The following LRMDA variants were observed in gnomAD, a reference collection of about 807,000 sequenced individuals.
LRMDA encodes the protein leucine-rich melanocyte differentiation-associated protein.
LRMDA carries 18 observed loss-of-function variants against 29.8 expected under a neutral mutation model. That is an observed-to-expected ratio of 0.60 (90% CI 0.42 to 0.90). The LOEUF (loss-of-function observed/expected upper bound fraction) is 0.90, where lower values mean the gene tolerates loss of function less well. Ranked by LOEUF, LRMDA falls within the 40% of genes least tolerant of loss-of-function variation. LRMDA has a pLI of 0.00. For synonymous variants in LRMDA, 125 were observed against 109.4 expected, an observed-to-expected ratio of 1.14 and a Z score of -0.89; for missense variants, 273 against 273.9, an observed-to-expected ratio of 1.00 and a Z score of 0.02.
At chr10:75,917,173 T>C (rs1024985548) in intron 2 of LRMDA, among the ~76,000 whole-genome samples, 2 of 152,204 alleles carry the variant, frequency 1.3e-5, no homozygotes, top group Non-Finnish European at 2.9e-5. Context: ...TGGGCAAGTC[T>C]CTTTCAGGTA....
intron 6 of LRMDA, among the ~76,000 whole-genome samples, chr10:76,476,471 A>G (rs1043904531): frequency 7.9e-5 from 12 of 152,192 alleles, no homozygotes; most frequent in African/African-American, 2.7e-4. Context: ...TACCAGAGTT[A>G]CAAGGAGGAG....
At chr10:76,443,317 A>C (rs1842322666) in intron 6 of LRMDA, among the ~76,000 whole-genome samples, 1 of 152,234 alleles carries the variant, frequency 6.6e-6, no homozygotes, top group Admixed American at 6.5e-5. Context: ...GTTGGGTAAT[A>C]GCCATCCTTC....
intron 5 of LRMDA, among the ~76,000 whole-genome samples, chr10:76,174,981 C>T (rs1850906574): frequency 6.6e-6 from 1 of 152,100 alleles, no homozygotes; most frequent in African/African-American, 2.4e-5. Flanking sequence ...ATTAGCTGGG[C>T]ATAGTGGCGT....
chr10:75,616,240 TAGCAGCAGTAGCAGCAGC>T (rs1472579096), intron 2 of LRMDA, among the ~76,000 whole-genome samples: 11 of 146,798 alleles, frequency 7.5e-5, no homozygotes, highest in African/African-American at 2.7e-4. Context: ...ATAGTAGCAG[TAGCAGCAGTAGCAGCAGC>T]AGCAGCAGCA....
At chr10:75,754,122 A>C (rs1011425241) in intron 2 of LRMDA, among the ~76,000 whole-genome samples, 1 of 152,196 alleles carries the variant, frequency 6.6e-6, no homozygotes, top group African/African-American at 2.4e-5. Context: ...CCAGGGAAGA[A>C]AAATCCTTCC....
chr10:75,448,830 G>A (rs2132029478), intron 2 of LRMDA, among the ~76,000 whole-genome samples: 1 of 152,240 alleles, frequency 6.6e-6, no homozygotes, highest in East Asian at 1.9e-4. Context: ...AGGAGTCCAG[G>A]GACAGAGAGT....
chr10:76,399,145 T>C (rs11001769), intron 6 of LRMDA, among the ~76,000 whole-genome samples: 20,166 of 152,132 alleles, frequency 0.13, 2,584 homozygotes, highest in African/African-American at 0.33. Context: ...ATAAAGGTGA[T>C]CCCAAGGTTT....
intron 2 of LRMDA, among the ~76,000 whole-genome samples, chr10:75,670,689 C>A (rs1272134647): frequency 6.6e-6 from 1 of 152,146 alleles, no homozygotes; most frequent in Non-Finnish European, 1.5e-5. Context: ...TCCCGTTTGT[C>A]TTAGCCTGGG....
At chr10:75,515,187 A>T (rs75199852) in intron 2 of LRMDA, among the ~76,000 whole-genome samples, 5,927 of 152,238 alleles carry the variant, frequency 0.039, 364 homozygotes, top group African/African-American at 0.13. Flanking sequence ...TCATAGAGAC[A>T]GAAGTAGATT....
chr10:76,425,380 A>C (rs1842113372), intron 6 of LRMDA, among the ~76,000 whole-genome samples: 1 of 151,632 alleles, frequency 6.6e-6, no homozygotes, highest in Admixed American at 6.6e-5. Flanking sequence ...AACCATTGTC[A>C]TGAGACAGAC....
intron 2 of LRMDA, among the ~76,000 whole-genome samples, chr10:75,891,966 G>A (rs1845499692): frequency 6.6e-6 from 1 of 152,168 alleles, no homozygotes; most frequent in Non-Finnish European, 1.5e-5. Flanking sequence ...CAGGACTGGA[G>A]CTAGAAACTT....
intron 2 of LRMDA, among the ~76,000 whole-genome samples, chr10:75,621,004 C>T (rs191961263): frequency 5.3e-5 from 8 of 152,218 alleles, no homozygotes; most frequent in Middle Eastern, 3.4e-3. Context: ...CCATTTCCCC[C>T]GTGTCCCCAA....
chr10:75,993,394 T>A (rs997437697), intron 2 of LRMDA, among the ~76,000 whole-genome samples: 8 of 152,190 alleles, frequency 5.3e-5, no homozygotes, highest in African/African-American at 1.9e-4. Context: ...ACATAATTCT[T>A]CAATAGACTT....
At chr10:76,236,242 G>A (rs566334440) in intron 5 of LRMDA, among the ~76,000 whole-genome samples, 2 of 152,300 alleles carry the variant, frequency 1.3e-5, no homozygotes, top group South Asian at 4.1e-4. Flanking sequence ...CATTAATTAA[G>A]CAGGCTGCAC....
intron 5 of LRMDA, among the ~76,000 whole-genome samples, chr10:76,156,795 G>A (rs1850545465): frequency 1.3e-5 from 2 of 152,156 alleles, no homozygotes. Context: ...TTGGAATGAT[G>A]GGACATTTAT....
intron 2 of LRMDA, among the ~76,000 whole-genome samples, chr10:75,957,541 G>A (rs1267112507): frequency 1.3e-5 from 2 of 152,202 alleles, no homozygotes; most frequent in Non-Finnish European, 2.9e-5. Context: ...ACGGGCCTAT[G>A]AGGAACTGAT....
At chr10:75,930,986 GT>G (rs1225003307) in intron 2 of LRMDA, among the ~76,000 whole-genome samples, 1 of 152,146 alleles carries the variant, frequency 6.6e-6, no homozygotes, top group Non-Finnish European at 1.5e-5. Flanking sequence ...AGACTACAAA[GT>G]ATTGGTACTA....
intron 2 of LRMDA, among the ~76,000 whole-genome samples, chr10:75,691,397 T>G (rs1842155189): frequency 6.6e-6 from 1 of 151,790 alleles, no homozygotes; most frequent in South Asian, 2.1e-4. Flanking sequence ...TTGCTTAGAC[T>G]CAACCCATTC....
chr10:76,139,559 G>T (rs536696749), intron 5 of LRMDA, among the ~76,000 whole-genome samples: 1 of 152,192 alleles, frequency 6.6e-6, no homozygotes, highest in Non-Finnish European at 1.5e-5. Flanking sequence ...GCAATATGTT[G>T]CCATCTAACT....
Sources: gnomAD v4.1 joint callset for allele counts (sites outside exome capture counted in the v4.1 genomes callset) on GRCh38, gnomAD v4.1.1 for gene constraint, MANE v1.5 for transcripts, NCBI Gene and HGNC (gene_info 2026-07-23, HGNC 2026-07-21) for gene names.